ARFGEF3: variants seen among roughly 807,000 people sequenced by gnomAD.
The protein encoded by ARFGEF3 is ARFGEF family member 3.
Under a neutral mutation model 221.7 loss-of-function variants are expected in ARFGEF3, and 96 were observed. The ratio of observed to expected loss-of-function variants is 0.43; its 90% CI spans 0.37 to 0.51. ARFGEF3 has a LOEUF of 0.51. ARFGEF3 is among the 20% of genes least tolerant of loss of function. The pLI is 0.00. For missense variants in ARFGEF3, 2,410 were observed against 2,789.9 expected (o/e 0.86, Z 3.07); for synonymous variants, 1,145 against 1,126.8 (o/e 1.02, Z -0.32).
intron 2 of ARFGEF3, among the ~76,000 whole-genome samples, chr6:138,181,961 G>A (rs912635321): frequency 6.6e-6 from 1 of 152,230 alleles, no homozygotes; most frequent in Non-Finnish European, 1.5e-5. Flanking sequence ...AGTGATGTCA[G>A]TAGCTCCATA....
chr6:138,279,849 C>T, intron 13 of ARFGEF3, 150 bp from the exon 14 acceptor site: 1 of 668,598 alleles, frequency 1.5e-6, no homozygotes, highest in Non-Finnish European at 2.5e-6. Flanking sequence ...TCCTCCATCT[C>T]TACTTCTCCC....
intron 1 of ARFGEF3, among the ~76,000 whole-genome samples, chr6:138,170,022 G>A (rs1002302617): frequency 5.9e-5 from 9 of 152,162 alleles, no homozygotes; most frequent in Admixed American, 5.9e-4. Context: ...AAGTAGTACA[G>A]TTTTTTGGGG....
At position 138,293,912 on chromosome 6, in the gene ARFGEF3, A is replaced by G. The variant is rs1583053588; in HGVS notation, c.3369-81A>G. On this transcript the variant is annotated intron_variant, in intron 19 of 33. Transcript: ENST00000251691. The stretch of plus-strand genomic sequence containing the variant: ...CACAGCATTTCCATTAATCACATCA[A>G]CAAAATTACCATAATCATTCTGCCA... 2.8e-6 allele frequency: 4 copies of G among 1,425,734 alleles called. No individual in the cohort carries two copies. In the South Asian group the frequency reaches 5.1e-5, roughly 18 times the overall value. The allele number at this position is 1,425,734 out of a possible 1,614,324, so 88.3% of individuals were successfully genotyped here.
At chr6:138,225,862 G>T (rs1187770309) in intron 4 of ARFGEF3, among the ~76,000 whole-genome samples, 2 of 152,186 alleles carry the variant, frequency 1.3e-5, no homozygotes, top group African/African-American at 2.4e-5. Flanking sequence ...AATGAGACTT[G>T]TGTAGCTTCT....
chr6:138,163,948 G>A (rs1280822047), intron 1 of ARFGEF3, among the ~76,000 whole-genome samples: 1 of 152,200 alleles, frequency 6.6e-6, no homozygotes, highest in African/African-American at 2.4e-5. Flanking sequence ...AGCTGGTGGG[G>A]CTTTTGAAGT....
At chr6:138,263,672 G>A (rs140112201) in intron 12 of ARFGEF3, 61 bp downstream of exon 12, 2 of 1,389,824 alleles carry the variant, frequency 1.4e-6, no homozygotes, top group Non-Finnish European at 2.0e-6. Context: ...TTGCCTTAAT[G>A]GGCAATTACT....
intron 4 of ARFGEF3, among the ~76,000 whole-genome samples, chr6:138,210,564 C>T (rs1251670473): frequency 6.6e-6 from 1 of 151,972 alleles, no homozygotes; most frequent in East Asian, 1.9e-4. Flanking sequence ...GCATCTCTCC[C>T]TCCTGCTTTC....
intron 2 of ARFGEF3, among the ~76,000 whole-genome samples, chr6:138,203,732 C>G (rs1368013562): frequency 6.6e-6 from 1 of 152,198 alleles, no homozygotes; most frequent in East Asian, 1.9e-4. Flanking sequence ...ACGCCTGCCT[C>G]CCAGGTTCAA....
At chr6:138,234,839 A>G (rs1370839904) in intron 5 of ARFGEF3, among the ~76,000 whole-genome samples, 2 of 152,172 alleles carry the variant, frequency 1.3e-5, no homozygotes, top group Non-Finnish European at 2.9e-5. Context: ...TATGGAACTT[A>G]CTAGTATTAT....
chr6:138,332,422 T>A (rs1583071666), intron 32 of ARFGEF3, among the ~76,000 whole-genome samples: 2 of 152,288 alleles, frequency 1.3e-5, no homozygotes, highest in South Asian at 4.1e-4. Flanking sequence ...TAAGGTAGTG[T>A]CCTGTCCCTT....
Position 138,262,738 on chromosome 6 carries a change from G to A in ARFGEF3, c.1255G>A (p.Gly419Ser). The change falls in exon 12 of 34, where the codon GGC becomes AGC. Residue 419 changes from glycine (G) to serine (S), a missense_variant. By Grantham distance (56) the Gly-to-Ser change is moderately conservative. This residue lies in a region of ARFGEF3 where 570 missense variants were observed against 586.9 expected (regional missense o/e 0.97). Coordinates refer to ENST00000251691, the MANE Select transcript of ARFGEF3 (RefSeq NM_020340.5). ...DGMTEACIKG[G>S]IEACYAAVSC... ...CATGACCGAAGCATGCATCAAGGGT[G>A]GCATCGAAGCTTGCTATGCAGCCGT... 6.2e-7 allele frequency: 1 copy of A among 1,610,252 alleles called. No individual in the cohort carries two copies. The highest frequency in any genetic ancestry group is 8.5e-7 in the Non-Finnish European group (1 of 1,176,798).
rs957817983 is a variant in ARFGEF3 at position 138,291,269 on chromosome 6, C to G, written c.3048-464C>G. 6.6e-6 allele frequency among the ~76,000 whole-genome samples: 1 copy of G among 152,174 alleles called. No homozygotes were observed. Among genetic ancestry groups the G allele is most frequent in the African/African-American group, 2.4e-5 (1 of 41,430 alleles). ...CAGGCAGGACGTGGCTGGGCAGAAC[C>G]CACTGTGGCTAGTTGGCCTCTCCGT... On this transcript the variant is annotated intron_variant, in intron 18 of 33. Coordinates refer to ENST00000251691, the MANE Select transcript of ARFGEF3 (RefSeq NM_020340.5). The surrounding 1 kb of genome is among the most constrained non-coding windows in gnomAD (Gnocchi z 4.5).
rs1478428390 is a variant in ARFGEF3 at position 138,335,006 on chromosome 6, C to T, written c.6160C>T (p.Leu2054=). The T allele has an allele frequency of 1.3e-6, 2 of 1,588,092 alleles. No homozygotes were observed. Among genetic ancestry groups the T allele is most frequent in the African/African-American group, 2.7e-5 (2 of 74,322 alleles). The change falls in exon 33 of 34, where the codon CTG becomes TTG. Residue 2054 remains leucine, a synonymous_variant. Coordinates refer to ENST00000251691, the MANE Select transcript of ARFGEF3 (RefSeq NM_020340.5). ...EVKVEKKGEP[L]GPRGQDSPLL... Reference sequence around the variant, plus strand: ...CAAAGTGGAGAAGAAAGGAGAGCCACTGGGTCCCAGGGGCCAGGACTCCCC... The same window carrying T: ...CAAAGTGGAGAAGAAAGGAGAGCCATTGGGTCCCAGGGGCCAGGACTCCCC...
In ARFGEF3 at chr6:138,307,284, T is replaced by A. The variant is rs1779744007; in HGVS notation, c.3860T>A (p.Val1287Glu). 2 of 1,613,804 alleles carry A rather than the reference T, an allele frequency of 1.2e-6. No individual in the cohort carries two copies. The highest frequency in any genetic ancestry group is 1.7e-6 in the Non-Finnish European group (2 of 1,179,830). ...VVTSIGELVE[V>E]CSTQIQSGWR... is the part of the protein sequence containing the mutation. ...ACATCCATTGGTGAGCTGGTTGAAG[T>A]GTGTTCCACGCAGATCCAGTCGGGA... Residue 1287 changes from valine (V) to glutamate (E), a missense_variant, in exon 23 of 34, where the codon GTG becomes GAG. Transcript: ENST00000251691.
At chr6:138,165,917 G>C (rs1776715520) in intron 1 of ARFGEF3, among the ~76,000 whole-genome samples, 1 of 152,210 alleles carries the variant, frequency 6.6e-6, no homozygotes, top group African/African-American at 2.4e-5. Flanking sequence ...TCTTTGTCCT[G>C]ATGGTTCATG....
chr6:138,276,847 G>A (rs1456719226), intron 12 of ARFGEF3, among the ~76,000 whole-genome samples: 1 of 152,134 alleles, frequency 6.6e-6, no homozygotes, highest in Non-Finnish European at 1.5e-5. Flanking sequence ...TGTATTTTTA[G>A]TAGAGATGGG....
At chr6:138,193,773 T>C (rs890794136) in intron 2 of ARFGEF3, among the ~76,000 whole-genome samples, 1 of 152,202 alleles carries the variant, frequency 6.6e-6, no homozygotes, top group Admixed American at 6.5e-5. Context: ...AATACATCTA[T>C]TTATACATTA....
chr6:138,254,340 A>C (rs1053477108), intron 9 of ARFGEF3, among the ~76,000 whole-genome samples: 1 of 151,412 alleles, frequency 6.6e-6, no homozygotes, highest in Admixed American at 6.6e-5. Flanking sequence ...AATTGCTTCA[A>C]CCTGAGAGGT....
intron 10 of ARFGEF3, among the ~76,000 whole-genome samples, chr6:138,256,117 A>C (rs1778675202): frequency 6.6e-6 from 1 of 152,140 alleles, no homozygotes. Flanking sequence ...CTTTGCCAAC[A>C]TTAGATTTCA....
Sources: allele counts gnomAD v4.1 joint callset (sites outside exome capture counted in the v4.1 genomes callset), GRCh38; gene constraint gnomAD v4.1.1; regional missense constraint gnomAD v4.1.1; non-coding constraint Gnocchi (gnomAD v3.1); transcripts MANE v1.5; gene names NCBI Gene and HGNC (gene_info 2026-07-23, HGNC 2026-07-21).